Variants in BCL2 observed in about 807,000 individuals in gnomAD.
BCL2 encodes apoptosis regulator Bcl-2.
BCL2 carries 1 observed loss-of-function variant against 14.2 expected under a neutral mutation model. That is an observed-to-expected ratio of 0.07 (90% CI 0.02 to 0.33). The LOEUF (loss-of-function observed/expected upper bound fraction) is 0.33, where lower values mean the gene tolerates loss of function less well. BCL2 is among the 10% of genes least tolerant of loss of function. The pLI is 0.99. For synonymous variants in BCL2, 151 were observed against 137.2 expected (o/e 1.10, Z -0.70); for missense variants, 247 against 305.9 (o/e 0.81, Z 1.44).
intron 2 of BCL2, among the ~76,000 whole-genome samples, chr18:63,285,296 G>A (rs890248470): frequency 6.6e-6 from 1 of 152,228 alleles, no homozygotes; most frequent in Non-Finnish European, 1.5e-5. Context: ...CCATTGCCCT[G>A]GAGATGGGAT....
At chr18:63,222,356 T>G (rs922756112) in intron 2 of BCL2, among the ~76,000 whole-genome samples, 5 of 149,020 alleles carry the variant, frequency 3.4e-5, no homozygotes, top group Admixed American at 1.3e-4. Context: ...GAGGTTGAAC[T>G]GCCAGTATCA....
In BCL2 at chr18:63,198,523, CACAG is replaced by C. The variant is rs536424167; in HGVS notation, c.586-69768_586-69765del. 8.2e-3 allele frequency among the ~76,000 whole-genome samples: 1,225 copies of C among 149,148 alleles called. 21 individuals are homozygous for C. The highest frequency in any genetic ancestry group is 0.028 in the African/African-American group (1,133 of 39,998). On this transcript the variant is annotated intron_variant, in intron 2 of 2. Coordinates refer to ENST00000333681, the MANE Select transcript of BCL2 (RefSeq NM_000633.3). ...ACATTGACACACAGACACACATAGACACAGACACACATTGACACACAGACACACA... is the reference window on the plus strand; with the variant it reads ...ACATTGACACACAGACACACATAGACACACACATTGACACACAGACACACA...
chr18:63,209,741 A>C (rs557823304), intron 2 of BCL2, among the ~76,000 whole-genome samples: 2 of 152,236 alleles, frequency 1.3e-5, no homozygotes, highest in South Asian at 4.2e-4. Flanking sequence ...CAGAGGAAAC[A>C]GAGCGAGGAA....
chr18:63,229,646 C>T (rs576019867), intron 2 of BCL2, among the ~76,000 whole-genome samples: 13 of 152,308 alleles, frequency 8.5e-5, no homozygotes, highest in East Asian at 3.8e-4. Flanking sequence ...CCTTCTGCTA[C>T]GAGTAAAAGC....
At chr18:63,308,889 C>T (rs1449722222) in intron 2 of BCL2, among the ~76,000 whole-genome samples, 3 of 152,036 alleles carry the variant, frequency 2.0e-5, no homozygotes, top group African/African-American at 7.3e-5. Context: ...ATTGTGTGTG[C>T]CTATTACCTA....
intron 2 of BCL2, among the ~76,000 whole-genome samples, chr18:63,186,547 GCTGAC>G (rs1422468821): frequency 6.6e-6 from 1 of 152,100 alleles, no homozygotes. Context: ...TCCACTTATG[GCTGAC>G]CTTGAACCAG....
At chr18:63,155,822 T>G (rs981618192) in intron 2 of BCL2, among the ~76,000 whole-genome samples, 5 of 152,084 alleles carry the variant, frequency 3.3e-5, no homozygotes, top group Non-Finnish European at 5.9e-5. Context: ...TCTCCTTTCT[T>G]TCTCCAGAGT....
rs4987841 is a variant in BCL2, at chr18:63,128,960, C to T, written c.586-201G>A. On this transcript the variant is annotated intron_variant, in intron 2 of 2. Coordinates refer to ENST00000333681, the MANE Select transcript of BCL2 (RefSeq NM_000633.3). ...TAATTCAAGGCATATTTATTGAGAC[C>T]CTCTTTACGTGCCAGCCATCTTAGA... 7.9e-3 allele frequency among the ~76,000 whole-genome samples: 1,205 copies of T among 152,252 alleles called. 21 individuals carry two copies. The highest frequency in any genetic ancestry group is 0.028 in the African/African-American group (1,155 of 41,542).
At chr18:63,247,682 C>A (rs1911190504) in intron 2 of BCL2, among the ~76,000 whole-genome samples, 4 of 152,174 alleles carry the variant, frequency 2.6e-5, no homozygotes, top group African/African-American at 7.2e-5. Context: ...GGTGTCATCA[C>A]CTCCACTGTC....
At chr18:63,198,724 GACAC>G (rs1304897747) in intron 2 of BCL2, among the ~76,000 whole-genome samples, 3 of 94,438 alleles carry the variant, frequency 3.2e-5, no homozygotes, top group East Asian at 3.3e-4. Context: ...CACACACACA[GACAC>G]ACACAGACAC....
At chr18:63,237,943 ATTTTT>A (rs113841323) in intron 2 of BCL2, among the ~76,000 whole-genome samples, 1 of 148,846 alleles carries the variant, frequency 6.7e-6, no homozygotes. Flanking sequence ...CCAGGGTTGG[ATTTTT>A]TTTTTTTCCT....
intron 2 of BCL2, among the ~76,000 whole-genome samples, chr18:63,308,212 C>A (rs1943328690): frequency 6.6e-6 from 1 of 152,202 alleles, no homozygotes; most frequent in Admixed American, 6.5e-5. Flanking sequence ...TCTGTCGCCT[C>A]TGGGAATGCC....
rs187180651 is a variant in BCL2 at position 63,309,547 on chromosome 18, G to A, written c.585+8535C>T. On this transcript the variant is annotated intron_variant, in intron 2 of 2. Coordinates refer to ENST00000333681, the MANE Select transcript of BCL2 (RefSeq NM_000633.3). ...TGCTGTCAGTCCTTTGATTCTACAC[G>A]TGCAGTGTGCCCACATCTGTCCTGT... Among the ~76,000 whole-genome samples, 139 of 152,120 alleles carry A rather than the reference G, an allele frequency of 9.1e-4. 2 individuals are homozygous for A. The highest frequency in any genetic ancestry group is 5.8e-3 in the Admixed American group (88 of 15,284).
At chr18:63,136,759 T>G (rs1367604185) in intron 2 of BCL2, among the ~76,000 whole-genome samples, 1 of 152,182 alleles carries the variant, frequency 6.6e-6, no homozygotes, top group Non-Finnish European at 1.5e-5. Context: ...TGCTATTCAT[T>G]GGTTGAAGGT....
rs1341591588 is a variant in BCL2, at chr18:63,125,906, A to G, written c.*2719T>C. 4.7e-6 allele frequency: 1 copy of G among 213,590 alleles called. No individual in the cohort carries two copies. The highest frequency in any genetic ancestry group is 2.3e-5 in the African/African-American group (1 of 44,194). The allele number at this position is 213,590 out of a possible 1,614,324, so 13.2% of individuals were successfully genotyped here. A position where few individuals can be genotyped will look rare whatever the true frequency, so the allele number is the denominator to read the frequency against. On this transcript the variant is annotated 3_prime_UTR_variant, in exon 3 of 3. Transcript: ENST00000333681. ...AGCCAGCCAGCAATTAGCCCCCGTG[A>G]CCTCTTAATATATATACATTTTTCA...
At chr18:63,172,230 C>T (rs1465624809) in intron 2 of BCL2, among the ~76,000 whole-genome samples, 1 of 152,144 alleles carries the variant, frequency 6.6e-6, no homozygotes, top group Non-Finnish European at 1.5e-5. Context: ...GAGCACTTCA[C>T]CTGGTAATTA....
intron 2 of BCL2, among the ~76,000 whole-genome samples, chr18:63,142,904 T>C (rs1377020828): frequency 1.3e-5 from 2 of 152,226 alleles, no homozygotes; most frequent in Non-Finnish European, 2.9e-5. Flanking sequence ...GACAATCCTC[T>C]TCCTTCCTCA....
At chr18:63,304,397 T>G (rs975266558) in intron 2 of BCL2, among the ~76,000 whole-genome samples, 1 of 152,192 alleles carries the variant, frequency 6.6e-6, no homozygotes, top group Non-Finnish European at 1.5e-5. Context: ...TCCACCATTT[T>G]CAACATTCAA....
intron 2 of BCL2, among the ~76,000 whole-genome samples, chr18:63,177,514 C>T (rs1352233164): frequency 6.6e-6 from 1 of 152,206 alleles, no homozygotes; most frequent in African/African-American, 2.4e-5. Context: ...CCAACTTCAG[C>T]TGAGTCCCAG....
Sources: allele counts gnomAD v4.1 joint callset (sites outside exome capture counted in the v4.1 genomes callset), GRCh38; gene constraint gnomAD v4.1.1; transcripts MANE v1.5; gene names NCBI Gene and HGNC (gene_info 2026-07-23, HGNC 2026-07-21).